The following QRSL1 variants were observed in gnomAD, a reference collection of about 807,000 sequenced individuals.
QRSL1 encodes glutamyl-tRNA(Gln) amidotransferase subunit A, mitochondrial.
In QRSL1, 54 loss-of-function variants were observed where a neutral mutation model predicts 61.6. The observed-to-expected ratio is 0.88, with a 90% CI of 0.70 to 1.10. QRSL1 has a LOEUF of 1.10. Among genes scored for constraint, QRSL1 ranks in the 50% least tolerant of loss-of-function variants. The pLI is 0.00. For synonymous variants in QRSL1, 228 were observed against 225.7 expected, an observed-to-expected ratio of 1.01 and a Z score of -0.09; for missense variants, 505 against 622.6, an observed-to-expected ratio of 0.81 and a Z score of 2.01.
chr6:106,644,583 C>T (rs570607889), intron 4 of QRSL1, among the ~76,000 whole-genome samples: 8 of 152,282 alleles, frequency 5.3e-5, no homozygotes, highest in East Asian at 1.9e-4. Flanking sequence ...TGCAATGGCA[C>T]GATCTCGGCT....
intron 9 of QRSL1, among the ~76,000 whole-genome samples, chr6:106,659,883 AT>A (rs1231835345): frequency 6.6e-6 from 1 of 152,156 alleles, no homozygotes; most frequent in East Asian, 1.9e-4. Context: ...AGCTCTAGGA[AT>A]TGTTCAGTCC....
Position 106,653,760 on chromosome 6 carries a change from A to G in QRSL1, c.850-970A>G, listed in dbSNP as rs200905077. 4.7e-5 allele frequency: 7 copies of G among 149,284 alleles called. No individual in the cohort carries two copies. The East Asian group carries it at 1.4e-3, about 30-fold the overall frequency. The allele number at this position is 149,284 out of a possible 1,614,324, so 9.2% of individuals were successfully genotyped here. On this transcript the variant is annotated intron_variant, in intron 7 of 10. Transcript: ENST00000369046. ...GATTGCTTGAGTCCAGGAGGTTGAG[A>G]CTGCCGTGAGCCATGATTGCACCAC...
chr6:106,667,509 GTTAC>G lies in QRSL1; in HGVS notation c.*1511_*1514del, dbSNP rs1163538504. The G allele has an allele frequency of 2.6e-5, 4 of 152,192 alleles. No homozygotes were observed. The highest frequency in any genetic ancestry group is 7.2e-5 in the African/African-American group (3 of 41,514). 9.4% of individuals were successfully genotyped at this position (152,192 alleles called of 1,614,324 possible). On this transcript the variant is annotated 3_prime_UTR_variant, in exon 11 of 11. Coordinates refer to ENST00000369046, the MANE Select transcript of QRSL1 (RefSeq NM_018292.5). ...ATTGTTGATAAATGAAAGCTGAATT[GTTAC>G]TTAATAAATTCACTTTGTTTAGTAA...
At chr6:106,630,165 G>A (rs1056626486) in intron 1 of QRSL1, among the ~76,000 whole-genome samples, 1 of 152,188 alleles carries the variant, frequency 6.6e-6, no homozygotes, top group Non-Finnish European at 1.5e-5. Context: ...CTACCACTAA[G>A]ATACCAGTGA....
At chr6:106,657,268 CAA>C (rs199749392) in intron 9 of QRSL1, among the ~76,000 whole-genome samples, 5 of 122,554 alleles carry the variant, frequency 4.1e-5, no homozygotes, top group Admixed American at 1.6e-4. Flanking sequence ...AACTCCATCT[CAA>C]AAAAAAAAAA....
At chr6:106,640,561 G>A in intron 2 of QRSL1, 53 bp downstream of exon 2, 1 of 1,406,612 alleles carries the variant, frequency 7.1e-7, no homozygotes, top group Non-Finnish European at 9.5e-7. Context: ...AAGTTTAATT[G>A]TTTGTAGCAG....
intron 10 of QRSL1, among the ~76,000 whole-genome samples, chr6:106,663,654 C>T (rs1477542665): frequency 6.6e-6 from 1 of 152,186 alleles, no homozygotes; most frequent in African/African-American, 2.4e-5. Context: ...AAACCGTCCC[C>T]ATGATCCAGT....
chr6:106,655,514 C>CAAA lies in QRSL1; in HGVS notation c.1043-84_1043-82dup, dbSNP rs35970346. The stretch of plus-strand genomic sequence containing the variant: ...TAGGTGACAGAGTGAGACTCCATCT[C>CAAA]AAAAAAAAAAAAAAAAAAAGTGAAT... On this transcript the variant is annotated intron_variant, in intron 8 of 10. Coordinates refer to ENST00000369046, the MANE Select transcript of QRSL1 (RefSeq NM_018292.5). The CAAA allele has an allele frequency of 7.1e-3, 3,009 of 421,340 alleles. 3 individuals are homozygous for CAAA. Among genetic ancestry groups the CAAA allele is most frequent in the Middle Eastern group, 8.1e-3 (10 of 1,240 alleles). The allele number at this position is 421,340 out of a possible 1,614,324, so 26.1% of individuals were successfully genotyped here. A position where few individuals can be genotyped will look rare whatever the true frequency, so the allele number is the denominator to read the frequency against.
chr6:106,633,338 C>T (rs1776866496), intron 1 of QRSL1, among the ~76,000 whole-genome samples: 1 of 152,144 alleles, frequency 6.6e-6, no homozygotes. Flanking sequence ...ATTTAATTCT[C>T]TTTTAAATAT....
intron 1 of QRSL1, among the ~76,000 whole-genome samples, chr6:106,633,712 C>G (rs1776873452): frequency 6.6e-6 from 1 of 152,126 alleles, no homozygotes; most frequent in South Asian, 2.1e-4. Context: ...ATTATTAATC[C>G]TAAAGTTTAA....
intron 10 of QRSL1, among the ~76,000 whole-genome samples, chr6:106,663,983 A>C (rs2114719997): frequency 6.6e-6 from 1 of 152,266 alleles, no homozygotes; most frequent in Admixed American, 6.5e-5. Context: ...TTTTTACCTG[A>C]ATCATTTGAA....
At chr6:106,631,083 G>T (rs1248655237) in intron 1 of QRSL1, among the ~76,000 whole-genome samples, 1 of 152,072 alleles carries the variant, frequency 6.6e-6, no homozygotes, top group Non-Finnish European at 1.5e-5. Context: ...AAAATTAGCC[G>T]GGCGTAGTGG....
At chr6:106,653,538 T>A (rs1216800726) in intron 7 of QRSL1, 1 of 152,044 alleles carries the variant, frequency 6.6e-6, no homozygotes, top group Admixed American at 6.5e-5. Context: ...ATTAAGGTAA[T>A]ATATGTAAGG....
chr6:106,652,798 T>C, intron 7 of QRSL1: 1 of 1,453,394 alleles, frequency 6.9e-7, no homozygotes, highest in Non-Finnish European at 9.1e-7. Flanking sequence ...TGAGGATCAA[T>C]TAGACAGTCA....
intron 10 of QRSL1, among the ~76,000 whole-genome samples, chr6:106,665,502 C>T (rs1454953553): frequency 6.6e-6 from 1 of 152,148 alleles, no homozygotes; most frequent in Admixed American, 6.5e-5. Context: ...TACCCAACCA[C>T]AGAAGACTGG....
At chr6:106,642,923 G>T in intron 3 of QRSL1, 71 bp from the exon 4 acceptor site, 1 of 1,062,794 alleles carries the variant, frequency 9.4e-7, no homozygotes, top group Non-Finnish European at 1.4e-6. Context: ...TGAATTCATG[G>T]CATAATAGGT....
rs1237294127 is a variant in QRSL1 at position 106,640,375 on chromosome 6, A to G, written c.51A>G (p.Gln17=). ...TTTCTGCGGCACTGAAACAAGGCCAAATTACACCAACAGAGCTCTGTCAAA... is the reference window on the plus strand; with the variant it reads ...TTTCTGCGGCACTGAAACAAGGCCAGATTACACCAACAGAGCTCTGTCAAA... ...REVSAALKQG[Q]ITPTELCQKC... The change falls in exon 2 of 11, where the codon CAA becomes CAG. Residue 17 remains glutamine, a synonymous_variant. Coordinates refer to ENST00000369046, the MANE Select transcript of QRSL1 (RefSeq NM_018292.5). 5.0e-6 allele frequency: 8 copies of G among 1,613,590 alleles called. No individual in the cohort carries two copies. The highest frequency in any genetic ancestry group is 4.4e-5 in the South Asian group (4 of 91,066).
chr6:106,636,017 C>T (rs1776913883), intron 1 of QRSL1, among the ~76,000 whole-genome samples: 1 of 152,146 alleles, frequency 6.6e-6, no homozygotes, highest in Admixed American at 6.5e-5. Context: ...CATCCCTAAT[C>T]TGAAAATCTG....
intron 3 of QRSL1, among the ~76,000 whole-genome samples, chr6:106,641,542 A>G (rs559492401): frequency 6.6e-6 from 1 of 152,326 alleles, no homozygotes; most frequent in Non-Finnish European, 1.5e-5. Flanking sequence ...GTTTATCAAG[A>G]TATTTGGATC....
Sources: allele counts gnomAD v4.1 joint callset (sites outside exome capture counted in the v4.1 genomes callset), GRCh38; gene constraint gnomAD v4.1.1; transcripts MANE v1.5; gene names NCBI Gene and HGNC (gene_info 2026-07-23, HGNC 2026-07-21).